ZNF277: variants seen among roughly 807,000 people sequenced by gnomAD.
ZNF277 encodes nuclear receptor-interacting factor 4.
In ZNF277, 55 loss-of-function variants were observed where a neutral mutation model predicts 60.7. The observed-to-expected ratio is 0.91, with a 90% CI of 0.73 to 1.13. The LOEUF is 1.13. Ranked by LOEUF, ZNF277 falls within the 50% of genes most tolerant of loss-of-function variation. The probability of loss-of-function intolerance (pLI) is 0.00; values close to 1 mark genes in which losing one functional copy is unlikely to be tolerated. For missense variants in ZNF277, 510 were observed against 523.0 expected (o/e 0.98, Z 0.24); for synonymous variants, 178 against 179.3 (o/e 0.99, Z 0.06).
At chr7:112,281,362 C>A (rs538448886) in intron 1 of ZNF277, among the ~76,000 whole-genome samples, 3 of 152,300 alleles carry the variant, frequency 2.0e-5, no homozygotes, top group Non-Finnish European at 4.4e-5. Context: ...TCAGGTCTAT[C>A]TCATATAAAC....
At chr7:112,297,625 A>G (rs376089475) in intron 4 of ZNF277, among the ~76,000 whole-genome samples, 2 of 152,222 alleles carry the variant, frequency 1.3e-5, no homozygotes, top group African/African-American at 4.8e-5. Flanking sequence ...CAACAACTGC[A>G]GTAAAGAAAT....
chr7:112,238,282 A>G (rs1287329413), intron 1 of ZNF277, among the ~76,000 whole-genome samples: 1 of 152,128 alleles, frequency 6.6e-6, no homozygotes, highest in Non-Finnish European at 1.5e-5. Flanking sequence ...ATTGCATTGG[A>G]GCTCTGTGCT....
chr7:112,262,122 G>T (rs1265497038), intron 1 of ZNF277, among the ~76,000 whole-genome samples: 1 of 151,424 alleles, frequency 6.6e-6, no homozygotes, highest in Non-Finnish European at 1.5e-5. Flanking sequence ...ACTACTCTCA[G>T]CCAGCCTGCA....
At position 112,285,434 on chromosome 7, in the gene ZNF277, ATT is replaced by A. The variant is rs397888986; in HGVS notation, c.92-1422_92-1421del. Among the ~76,000 whole-genome samples the A allele has an allele frequency of 3.0e-3, 382 of 127,460 alleles. 3 individuals are homozygous for A. Among genetic ancestry groups the A allele is most frequent in the African/African-American group, 9.8e-3 (321 of 32,788 alleles). The allele number at this position is 127,460 out of a possible 152,430, so 83.6% of individuals were successfully genotyped here. On this transcript the variant is annotated intron_variant, in intron 1 of 11. Transcript: ENST00000361822. ...TAAAGTAAGAAAAAAAAAATAGGAA[ATT>A]TTTTTTTTTTTTTTTTGGAATGATG...
intron 1 of ZNF277, among the ~76,000 whole-genome samples, chr7:112,213,906 A>T (rs768927437): frequency 6.6e-6 from 1 of 152,200 alleles, no homozygotes. Flanking sequence ...TACTGTATCT[A>T]TATTGCTGGG....
chr7:112,310,553 C>T (rs1390527698), intron 4 of ZNF277, among the ~76,000 whole-genome samples: 2 of 151,626 alleles, frequency 1.3e-5, no homozygotes, highest in Non-Finnish European at 1.5e-5. Context: ...TCTTCTTTTA[C>T]TCCCATTTCT....
At chr7:112,257,945 G>C (rs10240912) in intron 1 of ZNF277, among the ~76,000 whole-genome samples, 59,735 of 151,700 alleles carry the variant, frequency 0.39, 15,140 homozygotes, top group African/African-American at 0.72. Flanking sequence ...TTCCAAGTAG[G>C]TAGGACTGCA....
intron 1 of ZNF277, among the ~76,000 whole-genome samples, chr7:112,285,740 C>G (rs1359035780): frequency 6.7e-6 from 1 of 150,062 alleles, no homozygotes; most frequent in African/African-American, 2.5e-5. Context: ...ACATAATTCT[C>G]AAGCCATGGT....
chr7:112,275,131 AAAATCATCCTACATTTATATTCCC>A (rs1449541367), intron 1 of ZNF277, among the ~76,000 whole-genome samples: 1 of 152,192 alleles, frequency 6.6e-6, no homozygotes, highest in East Asian at 1.9e-4. Context: ...TTACTGTTGA[AAAATCATCCTACATTTATATTCCC>A]AAATCCCTAA....
At chr7:112,259,281 A>G (rs1791390775) in intron 1 of ZNF277, among the ~76,000 whole-genome samples, 1 of 152,182 alleles carries the variant, frequency 6.6e-6, no homozygotes, top group Admixed American at 6.5e-5. Flanking sequence ...TCTGTTGTAT[A>G]TTGTAAAAGC....
Position 112,277,691 on chromosome 7 carries a change from G to C in ZNF277, c.92-9182G>C, listed in dbSNP as rs190907895. On this transcript the variant is annotated intron_variant, in intron 1 of 11. Transcript: ENST00000361822. ...ATAGCTACCATTGTTCGACAGAGTA[G>C]ATATAGAGCATTTTTTTCATCACAG... Among the ~76,000 whole-genome samples, 133 of 152,294 alleles carry C rather than the reference G, an allele frequency of 8.7e-4. 1 individual carries two copies. The highest frequency in any genetic ancestry group is 2.9e-3 in the African/African-American group (122 of 41,552).
chr7:112,343,874 C>T lies in ZNF277; in HGVS notation c.*1145C>T, dbSNP rs1189833000. ...CCAGGAGGCAAAAGTTGCAGTGAGCCGAGATCACACCACTGCAGTTCAGCC... is the reference window on the plus strand; with the variant it reads ...CCAGGAGGCAAAAGTTGCAGTGAGCTGAGATCACACCACTGCAGTTCAGCC... On this transcript the variant is annotated 3_prime_UTR_variant, in exon 12 of 12. Coordinates refer to ENST00000361822, the MANE Select transcript of ZNF277 (RefSeq NM_021994.3). Among the ~76,000 whole-genome samples the T allele has an allele frequency of 3.4e-5, 5 of 148,716 alleles. No homozygotes were observed. The highest frequency in any genetic ancestry group is 3.9e-4 in the East Asian group (2 of 5,068).
At chr7:112,226,324 T>G (rs998451418) in intron 1 of ZNF277, among the ~76,000 whole-genome samples, 55 of 152,274 alleles carry the variant, frequency 3.6e-4, no homozygotes, top group African/African-American at 1.3e-3. Flanking sequence ...TTTTTCTGCC[T>G]CAGGGAGATG....
At chr7:112,320,219 T>C (rs1792944531) in intron 5 of ZNF277, among the ~76,000 whole-genome samples, 1 of 152,180 alleles carries the variant, frequency 6.6e-6, no homozygotes, top group South Asian at 2.1e-4. Flanking sequence ...CCTGTTCTTC[T>C]AGTCTAACTT....
intron 4 of ZNF277, among the ~76,000 whole-genome samples, chr7:112,307,306 C>T (rs1451938920): frequency 6.6e-6 from 1 of 152,142 alleles, no homozygotes; most frequent in African/African-American, 2.4e-5. Flanking sequence ...TCCTCCCATG[C>T]TCTGTGTTCG....
At chr7:112,227,813 C>T (rs993919646) in intron 1 of ZNF277, among the ~76,000 whole-genome samples, 9 of 151,982 alleles carry the variant, frequency 5.9e-5, no homozygotes, top group African/African-American at 1.9e-4. Flanking sequence ...TAGCTACATA[C>T]GTCTTTGTAG....
chr7:112,257,199 G>T (rs1408593809), intron 1 of ZNF277, among the ~76,000 whole-genome samples: 1 of 152,050 alleles, frequency 6.6e-6, no homozygotes, highest in Admixed American at 6.6e-5. Context: ...GTATATTTTT[G>T]GTTTTTGTTT....
At chr7:112,332,803 T>G (rs1793253687) in intron 7 of ZNF277, among the ~76,000 whole-genome samples, 1 of 152,148 alleles carries the variant, frequency 6.6e-6, no homozygotes, top group South Asian at 2.1e-4. Context: ...TAAACACCTT[T>G]GAAAAGGAGT....
chr7:112,229,171 A>G (rs1472146793), intron 1 of ZNF277, among the ~76,000 whole-genome samples: 1 of 152,196 alleles, frequency 6.6e-6, no homozygotes, highest in Non-Finnish European at 1.5e-5. Context: ...GAGAAGAGTA[A>G]CTAGTACCAA....
Sources: gnomAD v4.1 joint callset for allele counts (sites outside exome capture counted in the v4.1 genomes callset) on GRCh38, gnomAD v4.1.1 for gene constraint, MANE v1.5 for transcripts, NCBI Gene and HGNC (gene_info 2026-07-23, HGNC 2026-07-21) for gene names.